The following CCSER1 variants were observed in gnomAD, a reference collection of about 807,000 sequenced individuals.
The protein encoded by CCSER1 is coiled-coil serine rich protein 1.
CCSER1 carries 41 observed loss-of-function variants against 82.0 expected under a neutral mutation model. The ratio of observed to expected loss-of-function variants is 0.50; its 90% confidence interval spans 0.39 to 0.65. The LOEUF (loss-of-function observed/expected upper bound fraction) is 0.65. Ranked by LOEUF, CCSER1 falls within the 30% of genes least tolerant of loss-of-function variation. The pLI, the probability that CCSER1 is intolerant of heterozygous loss-of-function variation, is 0.00. For missense variants in CCSER1, 1,119 were observed against 1,064.2 expected (o/e 1.05, Z -0.72); for synonymous variants, 414 against 383.9 (o/e 1.08, Z -0.92).
At chr4:90,470,774 A>AC (rs1333059151) in intron 5 of CCSER1, among the ~76,000 whole-genome samples, 5 of 149,826 alleles carry the variant, frequency 3.3e-5, no homozygotes, top group African/African-American at 1.2e-4. Flanking sequence ...AAAAAAAAAA[A>AC]AAAAAAACAA....
chr4:90,343,177 TG>T lies in CCSER1; in HGVS notation c.1509+30135del, dbSNP rs371488128. Among the ~76,000 whole-genome samples, 951 of 152,336 alleles carry T rather than the reference TG, an allele frequency of 6.2e-3. 14 individuals are homozygous for T. Among genetic ancestry groups the T allele is most frequent in the African/African-American group, 0.022 (902 of 41,580 alleles). ...CTTGCAAACTTTCTCTTCTATTTTT[TG>T]GGGGCCTTTATCAACTTGCTTATCA... On this transcript the variant is annotated intron_variant, in intron 3 of 10. Coordinates refer to ENST00000509176, the MANE Select transcript of CCSER1 (RefSeq NM_001145065.2).
At chr4:91,044,796 T>C (rs1742299428) in intron 9 of CCSER1, among the ~76,000 whole-genome samples, 1 of 152,192 alleles carries the variant, frequency 6.6e-6, no homozygotes, top group South Asian at 2.1e-4. Flanking sequence ...ACCTGAGACA[T>C]AATAAGTAAT....
intron 9 of CCSER1, among the ~76,000 whole-genome samples, chr4:90,954,164 T>C (rs1733197542): frequency 6.6e-6 from 1 of 152,052 alleles, no homozygotes; most frequent in African/African-American, 2.4e-5. Flanking sequence ...CTACAGTATT[T>C]TATTTGTTAT....
intron 6 of CCSER1, among the ~76,000 whole-genome samples, chr4:90,719,160 A>G (rs972065711): frequency 6.6e-6 from 1 of 152,044 alleles, no homozygotes; most frequent in Non-Finnish European, 1.5e-5. Context: ...CATCATTGCC[A>G]TTACCAACTG....
intron 10 of CCSER1, among the ~76,000 whole-genome samples, chr4:91,351,182 A>G (rs889443994): frequency 3.3e-5 from 5 of 152,026 alleles, no homozygotes; most frequent in African/African-American, 9.7e-5. Context: ...TCATGACACT[A>G]TCTACACATA....
chr4:91,454,210 GTC>G, intron 10 of CCSER1, among the ~76,000 whole-genome samples: 1 of 152,144 alleles, frequency 6.6e-6, no homozygotes, highest in African/African-American at 2.4e-5. Context: ...GAAATCAGAA[GTC>G]TGAAATCAGT....
At chr4:90,946,572 A>T (rs775595842) in intron 9 of CCSER1, among the ~76,000 whole-genome samples, 7 of 151,686 alleles carry the variant, frequency 4.6e-5, no homozygotes, top group Non-Finnish European at 1.0e-4. Context: ...CTGAGGTTAC[A>T]GTGAGCCTAG....
chr4:90,610,298 AAT>A (rs1785295049), intron 5 of CCSER1, among the ~76,000 whole-genome samples: 1 of 140,810 alleles, frequency 7.1e-6, no homozygotes, highest in African/African-American at 2.8e-5. Flanking sequence ...TAAATAAATA[AAT>A]AAAATGTGAT....
chr4:91,510,199 G>A (rs1759745027), intron 10 of CCSER1, among the ~76,000 whole-genome samples: 1 of 152,106 alleles, frequency 6.6e-6, no homozygotes, highest in Admixed American at 6.6e-5. Flanking sequence ...TGATTTTTGT[G>A]GCTATGTAGT....
At chr4:91,027,445 A>G (rs1740589785) in intron 9 of CCSER1, among the ~76,000 whole-genome samples, 1 of 151,972 alleles carries the variant, frequency 6.6e-6, no homozygotes. Context: ...GCAGAATAAA[A>G]TGCATGTTAA....
At chr4:90,454,643 A>T (rs1242888582) in intron 4 of CCSER1, among the ~76,000 whole-genome samples, 1 of 151,856 alleles carries the variant, frequency 6.6e-6, no homozygotes, top group Non-Finnish European at 1.5e-5. Flanking sequence ...CTATTCTTCT[A>T]ATTGGATTGG....
chr4:90,244,619 G>A (rs1226426950), intron 1 of CCSER1, among the ~76,000 whole-genome samples: 3 of 152,120 alleles, frequency 2.0e-5, no homozygotes, highest in Middle Eastern at 3.2e-3. Flanking sequence ...CCTTCTTCAC[G>A]TGGTGGCAGG....
intron 9 of CCSER1, among the ~76,000 whole-genome samples, chr4:91,061,428 G>T (rs1380473682): frequency 1.3e-5 from 2 of 151,964 alleles, no homozygotes; most frequent in Non-Finnish European, 2.9e-5. Context: ...TCTCCACCAG[G>T]TTTTTTTGTC....
At chr4:91,054,341 C>T (rs930144467) in intron 9 of CCSER1, among the ~76,000 whole-genome samples, 1 of 152,138 alleles carries the variant, frequency 6.6e-6, no homozygotes, top group African/African-American at 2.4e-5. Context: ...TTTGTTAAAT[C>T]AACATCTTTT....
intron 6 of CCSER1, among the ~76,000 whole-genome samples, chr4:90,686,139 C>G (rs1203431667): frequency 6.6e-6 from 1 of 152,054 alleles, no homozygotes; most frequent in Non-Finnish European, 1.5e-5. Flanking sequence ...GGACTGGTAA[C>G]CTAGGCAGAG....
At chr4:91,294,272 C>G (rs1161813912) in intron 10 of CCSER1, among the ~76,000 whole-genome samples, 1 of 151,878 alleles carries the variant, frequency 6.6e-6, no homozygotes, top group Non-Finnish European at 1.5e-5. Context: ...ATAGTTTGTG[C>G]AAACTTGTAC....
At chr4:90,471,721 A>G (rs182799160) in intron 5 of CCSER1, among the ~76,000 whole-genome samples, 1 of 152,112 alleles carries the variant, frequency 6.6e-6, no homozygotes, top group East Asian at 1.9e-4. Flanking sequence ...CACACCTGTA[A>G]TCCCGCACTT....
intron 1 of CCSER1, among the ~76,000 whole-genome samples, chr4:90,172,828 T>A (rs1434111128): frequency 6.6e-6 from 1 of 151,990 alleles, no homozygotes; most frequent in East Asian, 1.9e-4. Flanking sequence ...ACAATATGTG[T>A]GCCTGGTGGT....
At chr4:90,254,170 A>G (rs74621422) in intron 1 of CCSER1, among the ~76,000 whole-genome samples, 1,901 of 152,238 alleles carry the variant, frequency 0.012, 28 homozygotes, top group African/African-American at 0.037. Context: ...GTTCTTTACA[A>G]CAGTGTCCCA....
Sources: allele counts gnomAD v4.1 joint callset (sites outside exome capture counted in the v4.1 genomes callset), GRCh38; gene constraint gnomAD v4.1.1; transcripts MANE v1.5; gene names NCBI Gene and HGNC (gene_info 2026-07-23, HGNC 2026-07-21).